Variants in SORCS3 observed in about 807,000 individuals in gnomAD.
The protein encoded by SORCS3 is sortilin related VPS10 domain containing receptor 3, also known as VPS10 domain-containing receptor SorCS3.
Under a neutral mutation model 146.3 loss-of-function variants are expected in SORCS3, and 57 were observed. That is an observed-to-expected ratio of 0.39 (90% CI 0.31 to 0.49). The LOEUF (loss-of-function observed/expected upper bound fraction) is 0.49. Among genes scored for constraint, SORCS3 ranks in the 20% least tolerant of loss-of-function variants. The pLI is 0.92. For synonymous variants in SORCS3, 653 were observed against 618.5 expected, an observed-to-expected ratio of 1.06 and a Z score of -0.83; for missense variants, 1,341 against 1,575.5, an observed-to-expected ratio of 0.85 and a Z score of 2.52.
At chr10:104,973,029 A>G (rs1449813538) in intron 3 of SORCS3, among the ~76,000 whole-genome samples, 2 of 152,182 alleles carry the variant, frequency 1.3e-5, no homozygotes, top group Admixed American at 1.3e-4. Flanking sequence ...CCAGCCTTGC[A>G]TTCCAGGGAT....
chr10:104,945,892 G>T (rs2019365607), intron 3 of SORCS3, among the ~76,000 whole-genome samples: 1 of 151,918 alleles, frequency 6.6e-6, no homozygotes, highest in African/African-American at 2.4e-5. Context: ...CTGTGGGCAT[G>T]GGCTTGGACT....
intron 4 of SORCS3, among the ~76,000 whole-genome samples, chr10:104,995,999 T>C (rs925838919): frequency 1.3e-5 from 2 of 152,216 alleles, no homozygotes; most frequent in African/African-American, 4.8e-5. Context: ...TAACACAGTT[T>C]ATGGAAAAGA....
At chr10:105,158,181 C>T (rs1054583054) in intron 10 of SORCS3, among the ~76,000 whole-genome samples, 3 of 152,082 alleles carry the variant, frequency 2.0e-5, no homozygotes, top group African/African-American at 7.2e-5. Flanking sequence ...CAAACCTTGC[C>T]CATGGCTTCA....
chr10:104,736,499 T>C (rs1463514579), intron 1 of SORCS3, among the ~76,000 whole-genome samples: 1 of 152,196 alleles, frequency 6.6e-6, no homozygotes, highest in African/African-American at 2.4e-5. Context: ...CTTCATTCTG[T>C]CAAGATTTAG....
chr10:104,878,594 T>C (rs563977110), intron 2 of SORCS3, among the ~76,000 whole-genome samples: 3 of 152,188 alleles, frequency 2.0e-5, no homozygotes, highest in Non-Finnish European at 4.4e-5. Flanking sequence ...AAGCAGAATC[T>C]CCCAATTAGA....
intron 1 of SORCS3, among the ~76,000 whole-genome samples, chr10:104,702,590 A>G (rs1032326047): frequency 1.6e-4 from 25 of 152,178 alleles, no homozygotes; most frequent in Non-Finnish European, 3.1e-4. Flanking sequence ...GCCTGGCAGG[A>G]TACAGTTTTT....
At chr10:104,780,898 T>C (rs962908) in intron 1 of SORCS3, among the ~76,000 whole-genome samples, 121,396 of 152,250 alleles carry the variant, frequency 0.8, 48,700 homozygotes, top group East Asian at 0.94. Flanking sequence ...TAATAACACA[T>C]AGGTACTAAC....
chr10:104,815,567 T>C (rs377561302), intron 1 of SORCS3, among the ~76,000 whole-genome samples: 25 of 151,996 alleles, frequency 1.6e-4, no homozygotes, highest in African/African-American at 6.0e-4. Context: ...ACACTCCTAA[T>C]TATTCAAAAA....
At chr10:104,889,682 A>C (rs1191242471) in intron 2 of SORCS3, among the ~76,000 whole-genome samples, 1 of 152,114 alleles carries the variant, frequency 6.6e-6, no homozygotes, top group African/African-American at 2.4e-5. Context: ...TTTTATTTCT[A>C]TGCATGTTAT....
chr10:104,777,534 C>G (rs1346980696), intron 1 of SORCS3, among the ~76,000 whole-genome samples: 1 of 152,156 alleles, frequency 6.6e-6, no homozygotes, highest in Non-Finnish European at 1.5e-5. Flanking sequence ...GGTTTTTCAC[C>G]AGGGGCAAAT....
rs1345921744 is a variant in SORCS3, at chr10:105,214,524, G to T, written c.2458G>T (p.Ala820Ser). 6.2e-7 allele frequency: 1 copy of T among 1,613,894 alleles called. No individual in the cohort carries two copies. The highest frequency in any genetic ancestry group is 2.2e-5 in the East Asian group (1 of 44,870). The change falls in exon 18 of 27, where the codon GCC becomes TCC. Residue 820 changes from alanine (A) to serine (S), a missense_variant. Ala to Ser is a moderately conservative substitution (Grantham distance 99). Coordinates refer to ENST00000369701, the MANE Select transcript of SORCS3 (RefSeq NM_014978.3). ...TAKAQMCPGK[A>S]PRGLHVVTTD... ...CAAGGCCCAGATGTGCCCTGGAAAA[G>T]CCCCTCGGGGCCTCCATGTGGTGAC...
intron 7 of SORCS3, among the ~76,000 whole-genome samples, chr10:105,118,228 T>C (rs12261208): frequency 0.12 from 18,111 of 151,954 alleles, 3,400 homozygotes; most frequent in African/African-American, 0.4. Context: ...TGAGCTCTCA[T>C]GAGATCTGAT....
intron 7 of SORCS3, among the ~76,000 whole-genome samples, chr10:105,128,163 G>A (rs948043007): frequency 1.3e-5 from 2 of 152,184 alleles, no homozygotes; most frequent in African/African-American, 2.4e-5. Context: ...TAAGCATAGA[G>A]CCTGGCCCTC....
At chr10:105,211,903 A>T (rs2056636413) in intron 17 of SORCS3, among the ~76,000 whole-genome samples, 1 of 152,152 alleles carries the variant, frequency 6.6e-6, no homozygotes, top group Admixed American at 6.5e-5. Context: ...CCTATCAATC[A>T]TCTGGGGATC....
intron 1 of SORCS3, among the ~76,000 whole-genome samples, chr10:104,779,162 C>T (rs1362021587): frequency 1.3e-5 from 2 of 152,214 alleles, no homozygotes; most frequent in Non-Finnish European, 2.9e-5. Flanking sequence ...TTCCCTGGAG[C>T]CTCCAGACAG....
At chr10:105,195,872 A>G (rs916639944) in intron 14 of SORCS3, among the ~76,000 whole-genome samples, 1 of 152,210 alleles carries the variant, frequency 6.6e-6, no homozygotes, top group Non-Finnish European at 1.5e-5. Flanking sequence ...TTTGCATCTG[A>G]TACACGAAAG....
chr10:105,198,032 T>C (rs2056553727), intron 14 of SORCS3, among the ~76,000 whole-genome samples: 1 of 152,148 alleles, frequency 6.6e-6, no homozygotes. Context: ...CCACATAATT[T>C]TACCAAGCAC....
chr10:105,077,851 G>C (rs2055598730), intron 5 of SORCS3, among the ~76,000 whole-genome samples: 1 of 152,212 alleles, frequency 6.6e-6, no homozygotes, highest in South Asian at 2.1e-4. Flanking sequence ...TCATGGTACA[G>C]ACATGGGTGT....
chr10:104,807,175 C>A lies in SORCS3; in HGVS notation c.628-35617C>A, dbSNP rs149719680. Among the ~76,000 whole-genome samples, 10 of 150,400 alleles carry A rather than the reference C, an allele frequency of 6.6e-5. No homozygotes were observed. In the East Asian group the frequency reaches 1.9e-3, roughly 29 times the overall value. ...TCTTTATAATCTCTTCACTAAGCTC[C>A]TTGCTCTCTGTGTGTGTGTGCGCAT... On this transcript the variant is annotated intron_variant, in intron 1 of 26. Coordinates refer to ENST00000369701, the MANE Select transcript of SORCS3 (RefSeq NM_014978.3).
Sources: allele counts gnomAD v4.1 joint callset (sites outside exome capture counted in the v4.1 genomes callset), GRCh38; gene constraint gnomAD v4.1.1; transcripts MANE v1.5; gene names NCBI Gene and HGNC (gene_info 2026-07-23, HGNC 2026-07-21).